SLC46A3: variants seen among roughly 807,000 people sequenced by gnomAD.
SLC46A3 encodes the protein solute carrier family 46 member 3, also known as lysosomal proton-coupled steroid conjugate and bile acid symporter SLC46A3.
Under a neutral mutation model 38.5 loss-of-function variants are expected in SLC46A3, and 26 were observed. The ratio of observed to expected loss-of-function variants is 0.68; its 90% CI spans 0.49 to 0.94. The LOEUF is 0.94. Among genes scored for constraint, SLC46A3 ranks in the 40% least tolerant of loss-of-function variants. The pLI, the probability that SLC46A3 is intolerant of heterozygous loss-of-function variation, is 0.00. For synonymous variants in SLC46A3, 185 were observed against 192.5 expected, an observed-to-expected ratio of 0.96 and a Z score of 0.32; for missense variants, 510 against 544.3, an observed-to-expected ratio of 0.94 and a Z score of 0.63.
chr13:28,702,738 A>C (rs1885062724), intron 5 of SLC46A3, among the ~76,000 whole-genome samples: 2 of 152,244 alleles, frequency 1.3e-5, no homozygotes, highest in South Asian at 4.1e-4. Context: ...AATTCAATAG[A>C]AACAATAAGT....
At chr13:28,716,907 G>A (rs1202096781) in intron 2 of SLC46A3, among the ~76,000 whole-genome samples, 4 of 151,876 alleles carry the variant, frequency 2.6e-5, no homozygotes, top group African/African-American at 9.7e-5. Flanking sequence ...TGGGAAGGCA[G>A]CACCACTCCT....
At position 28,718,003 on chromosome 13, in the gene SLC46A3, C is replaced by T. The variant is rs1220373557; in HGVS notation, c.-5G>A. 3.1e-6 allele frequency: 5 copies of T among 1,610,914 alleles called. No homozygotes were observed. The Admixed American group carries it at 6.7e-5, about 22-fold the overall frequency. On this transcript the variant is annotated 5_prime_UTR_variant, in exon 2 of 6. Coordinates refer to ENST00000266943, the MANE Select transcript of SLC46A3 (RefSeq NM_181785.4). ...TTCTACAAATAAAATCTTCATATTG[C>T]CTGGGTAGGTAGCTGTATTCTATAA...
chr13:28,710,768 G>C lies in SLC46A3; in HGVS notation c.1136C>G (p.Thr379Ser), dbSNP rs965138261. The change falls in exon 4 of 6, where the codon ACT (threonine) becomes AGT (serine). Residue 379 changes from threonine (T) to serine (S), a missense_variant. Coordinates refer to ENST00000266943, the MANE Select transcript of SLC46A3 (RefSeq NM_181785.4). ...AAGCAAATTAAACTCACCTTGTTCA[G>C]TCGAACGAACCACTTTTGACAACAT... Reference protein sequence around the residue: ...RSMLSKVVRSTEQGTLFACIA... With the variant: ...RSMLSKVVRSSEQGTLFACIA... 3.7e-6 allele frequency: 6 copies of C among 1,612,818 alleles called. No homozygotes were observed. The highest frequency in any genetic ancestry group is 5.1e-6 in the Non-Finnish European group (6 of 1,178,976).
chr13:28,712,776 T>C lies in SLC46A3; in HGVS notation c.964A>G (p.Met322Val), dbSNP rs767135902. ...FLGIWLFSYCMEDIHMAFIGI... is the reference protein window; with the variant it reads ...FLGIWLFSYCVEDIHMAFIGI... ...ATGAAGGCCATATGAATATCTTCCA[T>C]ACAATAAGAAAAAAGCCATATTCCT... Residue 322 changes from methionine (M) to valine (V), a missense_variant, in exon 3 of 6, where the codon ATG becomes GTG. Met to Val is a conservative substitution (Grantham distance 21, BLOSUM62 1). Transcript: ENST00000266943. The C allele has an allele frequency of 2.5e-6, 4 of 1,613,352 alleles. No homozygotes were observed. In the South Asian group the frequency reaches 3.3e-5, roughly 13 times the overall value.
At chr13:28,705,900 C>A (rs988517171) in intron 4 of SLC46A3, among the ~76,000 whole-genome samples, 1 of 152,186 alleles carries the variant, frequency 6.6e-6, no homozygotes, top group Admixed American at 6.5e-5. Flanking sequence ...GAGTTTTAAT[C>A]TATTCTTGAT....
In SLC46A3 at chr13:28,700,265, T is replaced by C. The variant is rs941632973; in HGVS notation, c.*1232A>G. ...GAGTGAGGAGGGATGTCAAGAAGGC[T>C]GCTATCCAGAAGAAGCAATGTTTCG... On this transcript the variant is annotated 3_prime_UTR_variant, in exon 6 of 6. Transcript: ENST00000266943. The C allele has an allele frequency of 1.3e-5, 2 of 152,232 alleles. No individual in the cohort carries two copies. The highest frequency in any genetic ancestry group is 2.9e-5 in the Non-Finnish European group (2 of 68,102). The allele number at this position is 152,232 out of a possible 1,614,324, so 9.4% of individuals were successfully genotyped here.
At chr13:28,702,719 A>G (rs1395911600) in intron 5 of SLC46A3, among the ~76,000 whole-genome samples, 1 of 152,244 alleles carries the variant, frequency 6.6e-6, no homozygotes, top group Non-Finnish European at 1.5e-5. Context: ...ACACAGATCT[A>G]GGTATCAGAA....
In SLC46A3 at chr13:28,717,938, C is replaced by A. The variant is rs1239474844; in HGVS notation, c.61G>T (p.Gly21Cys). Residue 21 changes from glycine to cysteine, a missense_variant, in exon 2 of 6, where the codon GGT becomes TGT. Gly to Cys is a radical substitution (Grantham distance 159). Coordinates refer to ENST00000266943, the MANE Select transcript of SLC46A3 (RefSeq NM_181785.4). ...TAAACATATTGCGTTGTCAGTGGAC[C>A]GGTCAAAGTCATAGCAAATGCACTA... The part of the protein sequence containing the change: ...FLSAFAMTLT[G>C]PLTTQYVYRR... 1 of 1,613,758 alleles carries A rather than the reference C, an allele frequency of 6.2e-7. No homozygotes were observed. The highest frequency in any genetic ancestry group is 8.5e-7 in the Non-Finnish European group (1 of 1,179,972).
intron 4 of SLC46A3, 64 bp from the exon 5 acceptor site, chr13:28,704,163 A>G (rs1885112798): frequency 1.4e-6 from 2 of 1,428,262 alleles, no homozygotes; most frequent in South Asian, 2.5e-5. Context: ...CAACAAACAC[A>G]AACTAATGGA....
At chr13:28,710,665 G>A in intron 4 of SLC46A3, 95 bp downstream of exon 4, 1 of 934,428 alleles carries the variant, frequency 1.1e-6, no homozygotes, top group Non-Finnish European at 1.7e-6. Flanking sequence ...CATAAAAAGG[G>A]CTGTAGAATA....
At chr13:28,710,881 GA>G (rs1885322275) in intron 3 of SLC46A3, 38 bp from the exon 4 acceptor site, 2 of 1,468,778 alleles carry the variant, frequency 1.4e-6, no homozygotes, top group Middle Eastern at 1.7e-4. Flanking sequence ...GGCTGATTCT[GA>G]AAGCTAATGG....
chr13:28,713,891 C>A (rs180753073), intron 2 of SLC46A3, among the ~76,000 whole-genome samples: 36 of 152,200 alleles, frequency 2.4e-4, no homozygotes, highest in African/African-American at 7.9e-4. Flanking sequence ...ATACATACAG[C>A]CTGAAGGTAA....
chr13:28,703,561 G>A (rs938118265), intron 5 of SLC46A3: 2 of 152,718 alleles, frequency 1.3e-5, no homozygotes, highest in African/African-American at 2.4e-5. Context: ...TGAGATGGGG[G>A]TCTTGCTATG....
chr13:28,710,730 A>G (rs1283788103), intron 4 of SLC46A3, 30 bp downstream of exon 4: 2 of 1,513,330 alleles, frequency 1.3e-6, no homozygotes, highest in Non-Finnish European at 1.8e-6. Context: ...AAGATGGTAG[A>G]TTCATATTTC....
Position 28,710,833 on chromosome 13 carries a change from C to A in SLC46A3, c.1071G>T (p.Pro357=). 6.2e-7 allele frequency: 1 copy of A among 1,613,282 alleles called. No homozygotes were observed. Among genetic ancestry groups the A allele is most frequent in the Non-Finnish European group, 8.5e-7 (1 of 1,179,618 alleles). Residue 357 remains proline, a synonymous_variant, in exon 4 of 6, where the codon CCG becomes CCT. Coordinates refer to ENST00000266943, the MANE Select transcript of SLC46A3 (RefSeq NM_181785.4). ...TTLMMFLARV[P]FLFTIVPFSV... ...AGAATGGCACAATAGTGAAAAGGAA[C>A]GGCACCCTGGCTGTGAGAGAAAGGA...
Position 28,703,938 on chromosome 13 carries a change from C to T in SLC46A3, c.1301+5G>A, listed in dbSNP as rs755779514. On this transcript the variant is annotated splice_donor_5th_base_variant and intron_variant, in intron 5 of 5. Transcript: ENST00000266943. ...CTGATAAAATGATTAAAAATAATGA[C>T]ATACCATAGACTGATGGCTGGAAGT... 30 of 1,609,656 alleles carry T rather than the reference C, an allele frequency of 1.9e-5. 1 individual carries two copies. In the South Asian group the frequency reaches 2.3e-4, roughly 12 times the overall value.
chr13:28,709,923 A>C (rs1450001819), intron 4 of SLC46A3, among the ~76,000 whole-genome samples: 1 of 152,206 alleles, frequency 6.6e-6, no homozygotes, highest in Non-Finnish European at 1.5e-5. Flanking sequence ...CAGCTGTGAC[A>C]GTTGTAGGGG....
intron 1 of SLC46A3, among the ~76,000 whole-genome samples, 200 bp downstream of exon 1, chr13:28,718,296 T>C (rs1249176353): frequency 1.3e-5 from 2 of 152,210 alleles, no homozygotes; most frequent in African/African-American, 2.4e-5. Context: ...CTGTCACCCA[T>C]CTTGGTTAGC....
rs777398801 is a variant in SLC46A3 at position 28,704,013 on chromosome 13, C to T, written c.1231G>A (p.Val411Ile). The change falls in exon 5 of 6, where the codon GTT (valine) becomes ATT (isoleucine). Residue 411 changes from valine to isoleucine, a missense_variant. Physicochemically the swap from Val to Ile is conservative, Grantham distance 29 (BLOSUM62 3). Coordinates refer to ENST00000266943, the MANE Select transcript of SLC46A3 (RefSeq NM_181785.4). ...AAAGTGAAGCCAGGGTACCAAGCAA[C>T]AGTGGCTGAGTAAATTCCATTAAAA... ...STFNGIYSATVAWYPGFTFLL... is the reference protein window; with the variant it reads ...STFNGIYSATIAWYPGFTFLL... 6.2e-7 allele frequency: 1 copy of T among 1,613,680 alleles called. No individual in the cohort carries two copies. Among genetic ancestry groups the T allele is most frequent in the South Asian group, 1.1e-5 (1 of 91,066 alleles).
Sources: allele counts gnomAD v4.1 joint callset (sites outside exome capture counted in the v4.1 genomes callset), GRCh38; gene constraint gnomAD v4.1.1; transcripts MANE v1.5; gene names NCBI Gene and HGNC (gene_info 2026-07-23, HGNC 2026-07-21).